SCN11A: variants seen among roughly 807,000 people sequenced by gnomAD.
The protein encoded by SCN11A is sodium channel protein type 11 subunit alpha.
In SCN11A, 122 loss-of-function variants were observed where a neutral mutation model predicts 162.2. That is an observed-to-expected ratio of 0.75 (90% CI 0.65 to 0.87). SCN11A has a LOEUF of 0.87. Among genes scored for constraint, SCN11A ranks in the 40% least tolerant of loss-of-function variants. SCN11A has a pLI of 0.00. For synonymous variants in SCN11A, 758 were observed against 751.5 expected, an observed-to-expected ratio of 1.01 and a Z score of -0.14; for missense variants, 2,015 against 2,181.6, an observed-to-expected ratio of 0.92 and a Z score of 1.52.
At chr3:39,017,893 G>C (rs1444918528) in intron 2 of SCN11A, among the ~76,000 whole-genome samples, 3 of 152,086 alleles carry the variant, frequency 2.0e-5, no homozygotes, top group Non-Finnish European at 4.4e-5. Context: ...GGCAATTTTT[G>C]TTGGGTGGCA....
At chr3:38,958,354 G>A (rs1032825152) in intron 3 of SCN11A, among the ~76,000 whole-genome samples, 6 of 152,200 alleles carry the variant, frequency 3.9e-5, no homozygotes, top group Non-Finnish European at 2.9e-5. Context: ...TACAGGGCTC[G>A]CACCTCCCTT....
intron 4 of SCN11A, among the ~76,000 whole-genome samples, 26 bp downstream of exon 4, chr3:38,953,603 A>G (rs1286450617): frequency 6.6e-6 from 1 of 152,170 alleles, no homozygotes; most frequent in Non-Finnish European, 1.5e-5. Context: ...TAATGGGAAG[A>G]GAGAGACTTG....
Position 38,904,095 on chromosome 3 carries a change from T to C in SCN11A, c.1612A>G (p.Lys538Glu), listed in dbSNP as rs1553638694. 1.3e-6 allele frequency: 2 copies of C among 1,564,264 alleles called. No homozygotes were observed. The highest frequency in any genetic ancestry group is 1.7e-6 in the Non-Finnish European group (2 of 1,157,808). The change falls in exon 16 of 30, where the codon AAA (lysine) becomes GAA (glutamate). Residue 538 changes from lysine (K) to glutamate (E), a missense_variant. Lys to Glu is a moderately conservative substitution (Grantham distance 56). Coordinates refer to ENST00000302328, the MANE Select transcript of SCN11A (RefSeq NM_001349253.2). ...ILTITMKEQE[K>E]SQEPCLPCGE... ...CAAGGGAGACAAGGCTCTTGTGATT[T>C]TTCTTGTTCTGGAGGAGAATGAGCG...
At chr3:38,966,366 T>C (rs1383626812) in intron 2 of SCN11A, among the ~76,000 whole-genome samples, 1 of 152,216 alleles carries the variant, frequency 6.6e-6, no homozygotes, top group Non-Finnish European at 1.5e-5. Context: ...TTATAGATCA[T>C]TCATTCATTA....
chr3:38,875,158 T>C (rs1370346578), intron 23 of SCN11A, among the ~76,000 whole-genome samples: 13 of 152,176 alleles, frequency 8.5e-5, no homozygotes, highest in Non-Finnish European at 1.9e-4. Context: ...CACACCACAG[T>C]CTGCATGATG....
chr3:38,930,163 A>G (rs567897090), intron 7 of SCN11A, among the ~76,000 whole-genome samples: 21 of 152,328 alleles, frequency 1.4e-4, no homozygotes, highest in Admixed American at 3.3e-4. Flanking sequence ...ACAGCTTATC[A>G]GTTCAGAGTA....
At chr3:38,995,819 G>GTCTGTCTATCTA (rs1553648593) in intron 2 of SCN11A, among the ~76,000 whole-genome samples, 17 of 141,758 alleles carry the variant, frequency 1.2e-4, no homozygotes, top group African/African-American at 4.5e-4. Context: ...CTATCTATCT[G>GTCTGTCTATCTA]TCTATCTATC....
chr3:38,867,074 C>T (rs2065052639), intron 27 of SCN11A, among the ~76,000 whole-genome samples: 1 of 152,154 alleles, frequency 6.6e-6, no homozygotes, highest in Non-Finnish European at 1.5e-5. Context: ...TCAATAGTAG[C>T]AATGTCCATT....
intron 20 of SCN11A, among the ~76,000 whole-genome samples, chr3:38,885,914 T>C (rs1221564484): frequency 6.6e-6 from 1 of 152,194 alleles, no homozygotes; most frequent in African/African-American, 2.4e-5. Flanking sequence ...ATAAACATCT[T>C]ACAATTCACA....
intron 7 of SCN11A, among the ~76,000 whole-genome samples, chr3:38,934,780 G>C (rs62242301): frequency 4.1e-3 from 558 of 137,766 alleles, no homozygotes; most frequent in South Asian, 8.7e-3. Context: ...ATAATAATGG[G>C]AGACTTTAAC....
At chr3:39,036,232 C>T (rs2031902394) in intron 1 of SCN11A, among the ~76,000 whole-genome samples, 1 of 152,176 alleles carries the variant, frequency 6.6e-6, no homozygotes, top group Admixed American at 6.5e-5. Flanking sequence ...CAACCTCCGC[C>T]TCCCAGGTTC....
intron 2 of SCN11A, among the ~76,000 whole-genome samples, chr3:38,973,044 G>C (rs764790220): frequency 2.6e-5 from 4 of 152,150 alleles, no homozygotes; most frequent in Non-Finnish European, 4.4e-5. Context: ...ATATTAAAAT[G>C]TTGAAGTCCA....
chr3:38,988,962 T>G (rs1407822108), intron 2 of SCN11A, among the ~76,000 whole-genome samples: 1 of 152,164 alleles, frequency 6.6e-6, no homozygotes, highest in Non-Finnish European at 1.5e-5. Flanking sequence ...TGGCTGCATA[T>G]TCTTTGGCAC....
chr3:38,892,216 C>A (rs1414385594), intron 19 of SCN11A, among the ~76,000 whole-genome samples: 1 of 152,076 alleles, frequency 6.6e-6, no homozygotes, highest in Non-Finnish European at 1.5e-5. Flanking sequence ...ATGAAATAAT[C>A]ACATTCCCAG....
Position 38,883,308 on chromosome 3 carries a change from G to C in SCN11A, c.3144C>G (p.Thr1048=). Residue 1048 remains threonine, a synonymous_variant, in exon 22 of 30, where the codon ACC becomes ACG. Transcript: ENST00000302328. ...PWVIWWNLRK[T]CYQIVKHSWF... ...AGCTGTGTTTCACTATTTGGTAGCA[G>C]GTTTTCCGCAGGTTCCACCAAATGA... is the stretch of plus-strand genomic sequence containing the variant. 1.2e-6 allele frequency: 2 copies of C among 1,613,982 alleles called. No individual in the cohort carries two copies. Among genetic ancestry groups the C allele is most frequent in the Non-Finnish European group, 1.7e-6 (2 of 1,179,900 alleles).
At chr3:38,933,074 G>A (rs1205781504) in intron 7 of SCN11A, among the ~76,000 whole-genome samples, 2 of 151,378 alleles carry the variant, frequency 1.3e-5, no homozygotes, top group Non-Finnish European at 1.5e-5. Context: ...ACAAAAATCC[G>A]CTGTTCTGCA....
intron 2 of SCN11A, among the ~76,000 whole-genome samples, chr3:38,986,782 G>A (rs926542019): frequency 6.6e-6 from 1 of 152,122 alleles, no homozygotes; most frequent in Non-Finnish European, 1.5e-5. Flanking sequence ...CCAAGTGGAA[G>A]TCCTGCAATT....
Position 38,908,090 on chromosome 3 carries a change from T to C in SCN11A, c.1332A>G (p.Ser444=). 6.2e-7 allele frequency: 1 copy of C among 1,612,758 alleles called. No individual in the cohort carries two copies. Among genetic ancestry groups the C allele is most frequent in the South Asian group, 1.1e-5 (1 of 90,512 alleles). The change falls in exon 14 of 30, where the codon TCA becomes TCG. Residue 444 remains serine, a synonymous_variant. Transcript: ENST00000302328. ...ALVAMGIDRS[S]LTSLETSYFT... ...AATATGATGTTTCAAGGGAAGTAAG[T>C]GAACTTCTGTCAATTCCCATGGCAA...
At chr3:38,973,841 T>G (rs1354686655) in intron 2 of SCN11A, among the ~76,000 whole-genome samples, 3 of 152,198 alleles carry the variant, frequency 2.0e-5, no homozygotes, top group Non-Finnish European at 4.4e-5. Flanking sequence ...GAGTTTATTG[T>G]GTAAAGCTGG....
Sources: allele counts gnomAD v4.1 joint callset (sites outside exome capture counted in the v4.1 genomes callset), GRCh38; gene constraint gnomAD v4.1.1; transcripts MANE v1.5; gene names NCBI Gene and HGNC (gene_info 2026-07-23, HGNC 2026-07-21).